The following RBFOX1 variants were observed in gnomAD, a reference collection of about 807,000 sequenced individuals.
RBFOX1 encodes the protein RNA binding protein fox-1 homolog 1.
A neutral mutation model predicts 57.7 loss-of-function variants in RBFOX1; 8 were observed. That is an observed-to-expected ratio of 0.14 (90% CI 0.08 to 0.25). The LOEUF is 0.25. Among genes scored for constraint, RBFOX1 ranks in the 10% least tolerant of loss-of-function variants. RBFOX1 has a pLI of 1.00. For missense variants in RBFOX1, 611 were observed against 548.5 expected (o/e 1.11, Z -1.14); for synonymous variants, 326 against 222.4 (o/e 1.47, Z -4.15).
At chr16:6,900,617 G>C (rs7199488) in intron 3 of RBFOX1, among the ~76,000 whole-genome samples, 81,199 of 152,122 alleles carry the variant, frequency 0.53, 23,795 homozygotes, top group African/African-American at 0.79. Context: ...TGTCACAGCA[G>C]ATGCTATTCC....
At chr16:5,737,363 T>G (rs991662092) in intron 3 of RBFOX1, among the ~76,000 whole-genome samples, 4 of 152,016 alleles carry the variant, frequency 2.6e-5, no homozygotes, top group African/African-American at 9.7e-5. Context: ...CGTGTGCCTG[T>G]AGTCCCAGCT....
At position 6,762,008 on chromosome 16, in the gene RBFOX1, C is replaced by G. The variant is rs150554462; in HGVS notation, c.-16+107358C>G. Among the ~76,000 whole-genome samples, 261 of 152,260 alleles carry G rather than the reference C, an allele frequency of 1.7e-3. 3 individuals are homozygous for G. The highest frequency in any genetic ancestry group is 6.0e-3 in the African/African-American group (248 of 41,544). On this transcript the variant is annotated intron_variant, in intron 3 of 15. Coordinates refer to ENST00000550418, the MANE Select transcript of RBFOX1 (RefSeq NM_018723.4). The stretch of plus-strand genomic sequence containing the variant: ...CTCACGTGCCGCTCAAGCTCGACAA[C>G]TCTACAGGTGCTAAGATGAAATATA...
At chr16:6,721,077 C>A (rs562865160) in intron 3 of RBFOX1, among the ~76,000 whole-genome samples, 1 of 152,178 alleles carries the variant, frequency 6.6e-6, no homozygotes. Context: ...ATTGCCTCTT[C>A]TGATAGCTCA....
chr16:5,674,581 T>C (rs1446858405), intron 3 of RBFOX1, among the ~76,000 whole-genome samples: 2 of 152,216 alleles, frequency 1.3e-5, no homozygotes, highest in Non-Finnish European at 2.9e-5. Context: ...TTCTGTTTGT[T>C]TAGAATTGGA....
chr16:6,684,302 A>C (rs370876829), intron 3 of RBFOX1, among the ~76,000 whole-genome samples: 1 of 152,254 alleles, frequency 6.6e-6, no homozygotes, highest in East Asian at 1.9e-4. Flanking sequence ...GGCGCCAGCC[A>C]CTGTTTTAAT....
At chr16:7,516,575 A>G (rs964651901) in intron 4 of RBFOX1, among the ~76,000 whole-genome samples, 5 of 152,316 alleles carry the variant, frequency 3.3e-5, no homozygotes, top group Non-Finnish European at 7.4e-5. Context: ...CAGCCTCAAC[A>G]TAGGCACACC....
At chr16:6,817,420 G>A (rs538093192) in intron 3 of RBFOX1, among the ~76,000 whole-genome samples, 6 of 151,894 alleles carry the variant, frequency 4.0e-5, no homozygotes, top group South Asian at 2.1e-4. Flanking sequence ...TTAGCTGGAC[G>A]CAGTGGCTCA....
intron 3 of RBFOX1, among the ~76,000 whole-genome samples, chr16:5,784,236 G>T (rs112257642): frequency 6.6e-6 from 1 of 151,838 alleles, no homozygotes; most frequent in Non-Finnish European, 1.5e-5. Context: ...CCTGGCTAAC[G>T]TGGTGAAACC....
chr16:5,356,982 C>G (rs142360640), intron 1 of RBFOX1, among the ~76,000 whole-genome samples: 67 of 152,310 alleles, frequency 4.4e-4, no homozygotes, highest in African/African-American at 1.6e-3. Context: ...GAAGTAGGTA[C>G]TATTACTTAT....
At chr16:5,387,481 C>A (rs1170868614) in intron 1 of RBFOX1, among the ~76,000 whole-genome samples, 1 of 152,214 alleles carries the variant, frequency 6.6e-6, no homozygotes, top group African/African-American at 2.4e-5. Context: ...GTGGCTACTG[C>A]TGCTCCAGTT....
At chr16:6,874,562 C>A (rs185712255) in intron 3 of RBFOX1, among the ~76,000 whole-genome samples, 43 of 147,636 alleles carry the variant, frequency 2.9e-4, no homozygotes, top group African/African-American at 1.1e-3. Context: ...TTCGCAACAA[C>A]CTGGATGGAG....
At chr16:5,467,459 T>C (rs2068989501) in intron 2 of RBFOX1, among the ~76,000 whole-genome samples, 2 of 152,166 alleles carry the variant, frequency 1.3e-5, no homozygotes, top group South Asian at 4.1e-4. Context: ...CTTAGCATCT[T>C]TAATGTATGA....
chr16:5,730,630 C>G (rs1323339193), intron 3 of RBFOX1, among the ~76,000 whole-genome samples: 3 of 152,106 alleles, frequency 2.0e-5, no homozygotes, highest in Non-Finnish European at 2.9e-5. Flanking sequence ...CTGTCACCAT[C>G]ATCATCACTA....
intron 2 of RBFOX1, among the ~76,000 whole-genome samples, chr16:5,560,628 A>G (rs2151105330): frequency 6.6e-6 from 1 of 152,288 alleles, no homozygotes; most frequent in Middle Eastern, 3.4e-3. Context: ...TATTGAATAA[A>G]TGATTTTTCA....
In RBFOX1 at chr16:7,581,090, T is replaced by A. The variant is rs150864422; in HGVS notation, c.414+1170T>A. 5.3e-5 allele frequency among the ~76,000 whole-genome samples: 8 copies of A among 152,294 alleles called. No homozygotes were observed. The South Asian group carries it at 1.2e-3, about 24-fold the overall frequency. On this transcript the variant is annotated intron_variant, in intron 6 of 15. Transcript: ENST00000550418. ...ATTAGCTTGCACCTTTTACTTCTTATACACACGTGATGCTTATCAAGTATG... is the reference window on the plus strand; with the variant it reads ...ATTAGCTTGCACCTTTTACTTCTTAAACACACGTGATGCTTATCAAGTATG...
intron 4 of RBFOX1, among the ~76,000 whole-genome samples, chr16:7,259,925 C>T (rs1275454953): frequency 2.6e-5 from 4 of 151,968 alleles, no homozygotes; most frequent in African/African-American, 9.7e-5. Flanking sequence ...GAATGCCTGC[C>T]AATTTATACT....
chr16:6,618,186 C>T (rs972488132), intron 2 of RBFOX1, among the ~76,000 whole-genome samples: 2 of 152,156 alleles, frequency 1.3e-5, no homozygotes, highest in African/African-American at 2.4e-5. Context: ...CTCTCCAGTT[C>T]ACCTCCCAGC....
rs1295985487 is a variant in RBFOX1 at position 7,001,392 on chromosome 16, GTGTATTTGTATA to G, written c.-15-50659_-15-50648del. ...TGTGTATGTGTATGTGTATGTGTATGTGTATTTGTATATGTATATGTATATGTATATGTATAT... is the reference window on the plus strand; with the variant it reads ...TGTGTATGTGTATGTGTATGTGTATGTGTATATGTATATGTATATGTATAT... On this transcript the variant is annotated intron_variant, in intron 3 of 15. Coordinates refer to ENST00000550418, the MANE Select transcript of RBFOX1 (RefSeq NM_018723.4). 8.3e-3 allele frequency among the ~76,000 whole-genome samples: 696 copies of G among 84,124 alleles called. 3 individuals carry two copies. The highest frequency in any genetic ancestry group is 0.049 in the African/African-American group (622 of 12,578). The allele number at this position is 84,124 out of a possible 152,430, so 55.2% of individuals were successfully genotyped here.
chr16:7,463,515 A>C (rs1437858648), intron 4 of RBFOX1, among the ~76,000 whole-genome samples: 1 of 152,102 alleles, frequency 6.6e-6, no homozygotes, highest in Admixed American at 6.5e-5. Context: ...AAAAAACAAA[A>C]AAAGGTACAA....
Sources: allele counts gnomAD v4.1 joint callset (sites outside exome capture counted in the v4.1 genomes callset), GRCh38; gene constraint gnomAD v4.1.1; transcripts MANE v1.5; gene names NCBI Gene and HGNC (gene_info 2026-07-23, HGNC 2026-07-21).